Variants in HYAL4 observed in about 807,000 individuals in gnomAD.
The protein encoded by HYAL4 is hyaluronidase 4, also known as hyaluronidase-4.
HYAL4 carries 37 observed loss-of-function variants against 35.2 expected under a neutral mutation model. That is an observed-to-expected ratio of 1.05 (90% CI 0.81 to 1.38). The LOEUF (loss-of-function observed/expected upper bound fraction) is 1.38. Among genes scored for constraint, HYAL4 ranks in the 40% most tolerant of loss-of-function variants. HYAL4 has a pLI of 0.00. For synonymous variants in HYAL4, 198 were observed against 203.2 expected (o/e 0.97, Z 0.22); for missense variants, 572 against 572.4 (o/e 1.00, Z 0.01).
At chr7:123,811,522 T>A in the HYAL4 span, among the ~76,000 whole-genome samples, 2 of 152,216 alleles carry the variant, frequency 1.3e-5, no homozygotes, top group African/African-American at 4.8e-5. Context: ...CATTTTTAAA[T>A]CTGTTGTTCA....
intron 2 of HYAL4, among the ~76,000 whole-genome samples, chr7:123,850,751 A>G (rs1325381624): frequency 1.3e-5 from 2 of 152,188 alleles, no homozygotes; most frequent in Non-Finnish European, 2.9e-5. Context: ...TTGATACACT[A>G]TATTGGGTGG....
intron 2 of HYAL4, among the ~76,000 whole-genome samples, chr7:123,852,306 C>G (rs1455241142): frequency 6.6e-6 from 1 of 152,188 alleles, no homozygotes; most frequent in Admixed American, 6.5e-5. Flanking sequence ...GCCATGAAGT[C>G]TTTTCCCATG....
chr7:123,868,335 C>T lies in HYAL4; in HGVS notation c.62C>T (p.Ser21Leu). 6.3e-7 allele frequency: 1 copy of T among 1,597,734 alleles called. No homozygotes were observed. The highest frequency in any genetic ancestry group is 8.5e-7 in the Non-Finnish European group (1 of 1,175,522). ...LCVVQPVHLT[S>L]WLLIFFILKS... ...GTTGTTCAACCAGTACATCTCACTT[C>T]ATGGCTCCTTATATTTTTTATTCTA... Residue 21 changes from serine to leucine, a missense_variant, in exon 3 of 5, where the codon TCA (serine) becomes TTA (leucine). Coordinates refer to ENST00000223026, the MANE Select transcript of HYAL4 (RefSeq NM_012269.3).
rs71163703 is a variant in HYAL4, at chr7:123,832,479, C to CTT, written c.-257+3392_-257+3393dup. ...AGTCCCCAAAGTCTATTGTGTCATA[C>CTT]TTTTTTTTTTTTTTTTTTTTTTTTT... On this transcript the variant is annotated intron_variant, in intron 1 of 4. Transcript: ENST00000489978. 1.0e-3 allele frequency among the ~76,000 whole-genome samples: 22 copies of CTT among 21,844 alleles called. 5 individuals carry two copies. The highest frequency in any genetic ancestry group is 5.3e-3 in the South Asian group (3 of 562). 14.3% of individuals were successfully genotyped at this position (21,844 alleles called of 152,430 possible).
upstream of HYAL4, among the ~76,000 whole-genome samples, chr7:123,841,481 T>C (rs557893604): frequency 7.9e-5 from 12 of 152,216 alleles, no homozygotes; most frequent in Non-Finnish European, 1.8e-4. Flanking sequence ...TGCCAGTCTT[T>C]GGTATCAGGA....
At chr7:123,804,351 T>A in the HYAL4 span, among the ~76,000 whole-genome samples, 5 of 152,212 alleles carry the variant, frequency 3.3e-5, no homozygotes, top group African/African-American at 9.6e-5. Flanking sequence ...TTGCCCTGAT[T>A]GTCCTCTTCA....
At chr7:123,861,115 G>A (rs1806567123) in intron 2 of HYAL4, among the ~76,000 whole-genome samples, 1 of 152,082 alleles carries the variant, frequency 6.6e-6, no homozygotes, top group South Asian at 2.1e-4. Flanking sequence ...AGGGAACTGG[G>A]ATCCAACTCT....
upstream of HYAL4, among the ~76,000 whole-genome samples, chr7:123,842,558 CCTT>C (rs1379171789): frequency 2.5e-4 from 38 of 151,884 alleles, 1 homozygote; most frequent in Admixed American, 2.4e-3. Flanking sequence ...TCCTTGTTAA[CCTT>C]CTGTCATGTT....
the HYAL4 span, among the ~76,000 whole-genome samples, chr7:123,818,818 A>G: frequency 1.3e-5 from 2 of 152,186 alleles, no homozygotes; most frequent in African/African-American, 4.8e-5. Context: ...ATTTTAATTG[A>G]CATATACAAT....
intron 4 of HYAL4, among the ~76,000 whole-genome samples, chr7:123,875,253 A>G (rs527957926): frequency 2.1e-4 from 32 of 152,356 alleles, no homozygotes; most frequent in Non-Finnish European, 2.8e-4. Context: ...TTTAATGACT[A>G]TAGAAAATGT....
chr7:123,868,551 A>G lies in HYAL4; in HGVS notation c.278A>G (p.Asn93Ser), dbSNP rs779208724. ...CAAAATGTCACTATATTTTATGTCA[A>G]CAGATTGGGATACTATCCGTGGTAT... ...RGQNVTIFYVNRLGYYPWYTS... is the reference protein window; with the variant it reads ...RGQNVTIFYVSRLGYYPWYTS... The change falls in exon 3 of 5, where the codon AAC (asparagine) becomes AGC (serine). Residue 93 changes from asparagine (N) to serine (S), a missense_variant. Physicochemically the swap from Asn to Ser is conservative, Grantham distance 46. Transcript: ENST00000223026. The G allele has an allele frequency of 1.9e-6, 3 of 1,613,184 alleles. No homozygotes were observed. The highest frequency in any genetic ancestry group is 1.3e-5 in the African/African-American group (1 of 75,038).
chr7:123,840,739 C>T (rs1385365407), upstream of HYAL4, among the ~76,000 whole-genome samples: 2 of 151,904 alleles, frequency 1.3e-5, no homozygotes, highest in South Asian at 2.1e-4. Context: ...ATTTTATTCT[C>T]TTTGTAGCAA....
Position 123,868,525 on chromosome 7 carries a change from G to T in HYAL4, c.252G>T (p.Gly84=), listed in dbSNP as rs763834467. 29 of 1,609,574 alleles carry T rather than the reference G, an allele frequency of 1.8e-5. No homozygotes were observed. In the South Asian group the frequency reaches 3.0e-4, roughly 17 times the overall value. ...GAAGCCCACTGGCCAAGGCCAGGGG[G>T]CAAAATGTCACTATATTTTATGTCA... ...VIGSPLAKAR[G]QNVTIFYVNR... The change falls in exon 3 of 5, where the codon GGG becomes GGT. Residue 84 remains glycine, a synonymous_variant. Transcript: ENST00000223026.
the HYAL4 span, among the ~76,000 whole-genome samples, chr7:123,804,849 T>C: frequency 2.6e-5 from 4 of 152,238 alleles, no homozygotes; most frequent in African/African-American, 4.8e-5. Flanking sequence ...AGTCCTTCAA[T>C]AGATCTTTAT....
upstream of HYAL4, among the ~76,000 whole-genome samples, chr7:123,827,417 C>T (rs1255861602): frequency 6.6e-6 from 1 of 152,126 alleles, no homozygotes; most frequent in African/African-American, 2.4e-5. Context: ...CGACCTTTGT[C>T]TTTCTTGGTT....
Position 123,846,610 on chromosome 7 carries a change from G to A in HYAL4, c.-122+925G>A, listed in dbSNP as rs180986734. Among the ~76,000 whole-genome samples, 6 of 152,146 alleles carry A rather than the reference G, an allele frequency of 3.9e-5. No homozygotes were observed. The East Asian group carries it at 1.2e-3, about 29-fold the overall frequency. On this transcript the variant is annotated intron_variant, in intron 1 of 4. Coordinates refer to ENST00000223026, the MANE Select transcript of HYAL4 (RefSeq NM_012269.3). Reference sequence around the variant, plus strand: ...GCAAACGGGGCTTTCCTGCCTCCCTGCCTGTGGAGTCTGCATACCAGATTC... The same window carrying A: ...GCAAACGGGGCTTTCCTGCCTCCCTACCTGTGGAGTCTGCATACCAGATTC...
intron 1 of HYAL4, among the ~76,000 whole-genome samples, chr7:123,832,453 G>A (rs1805897784): frequency 1.7e-5 from 2 of 117,608 alleles, no homozygotes; most frequent in African/African-American, 3.2e-5. Flanking sequence ...CTTTCCCCCT[G>A]AGTCCCCAAA....
At chr7:123,778,147 ATCTGTCTG>A in the HYAL4 span, among the ~76,000 whole-genome samples, 883 of 142,168 alleles carry the variant, frequency 6.2e-3, 9 homozygotes, top group African/African-American at 0.022. Flanking sequence ...CCATCTTTCT[ATCTGTCTG>A]TCTGTCTATC....
chr7:123,805,962 C>A, the HYAL4 span, among the ~76,000 whole-genome samples: 2 of 151,804 alleles, frequency 1.3e-5, no homozygotes, highest in African/African-American at 4.8e-5. Flanking sequence ...CCACTGTACT[C>A]CAGCTTGGGT....
Sources: gnomAD v4.1 joint callset for allele counts (sites outside exome capture counted in the v4.1 genomes callset) on GRCh38, gnomAD v4.1.1 for gene constraint, MANE v1.5 for transcripts, NCBI Gene and HGNC (gene_info 2026-07-23, HGNC 2026-07-21) for gene names.